The following PPARGC1A variants were observed in gnomAD, a reference collection of about 807,000 sequenced individuals.
The protein encoded by PPARGC1A is PPARG coactivator 1 alpha.
Under a neutral mutation model 88.7 loss-of-function variants are expected in PPARGC1A, and 25 were observed. The observed-to-expected ratio is 0.28, with a 90% CI of 0.21 to 0.39. The LOEUF is 0.39. PPARGC1A is among the 10% of genes least tolerant of loss of function. PPARGC1A has a pLI of 1.00. For synonymous variants in PPARGC1A, 363 were observed against 355.6 expected (o/e 1.02, Z -0.24); for missense variants, 880 against 968.7 (o/e 0.91, Z 1.22).
rs370930722 is a variant in PPARGC1A at position 23,831,730 on chromosome 4, C to T, written c.256G>A (p.Ala86Thr). 6.2e-7 allele frequency: 1 copy of T among 1,613,024 alleles called. No individual in the cohort carries two copies. Among genetic ancestry groups the T allele is most frequent in the African/African-American group, 1.3e-5 (1 of 74,872 alleles). Residue 86 changes from alanine to threonine, a missense_variant, in exon 3 of 13, where the codon GCA becomes ACA. By Grantham distance (58) the Ala-to-Thr change is moderately conservative. Coordinates refer to ENST00000264867, the MANE Select transcript of PPARGC1A (RefSeq NM_013261.5). The part of the protein sequence containing the change: ...IFEKIDEENE[A>T]NLLAVLTETL... ...TCTGTGAGGACTGCTAGCAAGTTTG[C>T]CTCATTCTCTTCATCTATCTTCTGC...
chr4:24,073,289 G>A, the PPARGC1A span, among the ~76,000 whole-genome samples: 22 of 152,008 alleles, frequency 1.4e-4, no homozygotes, highest in Admixed American at 1.3e-3. Flanking sequence ...TGATCTGCCC[G>A]CCTCAGCCTC....
the PPARGC1A span, among the ~76,000 whole-genome samples, chr4:24,063,314 G>A: frequency 7.2e-5 from 11 of 152,160 alleles, no homozygotes; most frequent in Non-Finnish European, 1.6e-4. Flanking sequence ...AAAGTCAGAG[G>A]GAGAAGATGA....
At chr4:23,952,064 G>T in the PPARGC1A span, among the ~76,000 whole-genome samples, 1 of 151,986 alleles carries the variant, frequency 6.6e-6, no homozygotes, top group African/African-American at 2.4e-5. Context: ...TTCCGATTGA[G>T]GCTATTGTAC....
chr4:23,933,937 C>T, the PPARGC1A span, among the ~76,000 whole-genome samples: 2 of 152,194 alleles, frequency 1.3e-5, no homozygotes, highest in African/African-American at 4.8e-5. Context: ...CTCCCAATAT[C>T]CTTTGCTAGG....
the PPARGC1A span, among the ~76,000 whole-genome samples, chr4:23,922,015 T>C: frequency 6.6e-6 from 1 of 152,190 alleles, no homozygotes; most frequent in Non-Finnish European, 1.5e-5. Flanking sequence ...ATGCACAATG[T>C]TCATAAAATA....
the PPARGC1A span, among the ~76,000 whole-genome samples, chr4:24,445,396 A>AC: frequency 6.6e-6 from 1 of 152,212 alleles, no homozygotes; most frequent in African/African-American, 2.4e-5. Context: ...CGATATCTTG[A>AC]CAATTCCTTT....
the PPARGC1A span, among the ~76,000 whole-genome samples, chr4:24,279,610 C>T: frequency 6.6e-6 from 1 of 152,142 alleles, no homozygotes; most frequent in East Asian, 1.9e-4. Flanking sequence ...GACTCTCCCG[C>T]GTTGATTCAC....
At chr4:24,089,660 G>A in the PPARGC1A span, among the ~76,000 whole-genome samples, 435 of 151,892 alleles carry the variant, frequency 2.9e-3, 4 homozygotes, top group African/African-American at 0.01. Flanking sequence ...ACAGGCGCCC[G>A]CCGCCACGCC....
chr4:24,001,244 T>C, the PPARGC1A span, among the ~76,000 whole-genome samples: 3 of 152,228 alleles, frequency 2.0e-5, no homozygotes, highest in African/African-American at 7.2e-5. Context: ...TGATTTTCTT[T>C]GTTATAATAT....
chr4:23,807,624 T>C (rs143385043), intron 10 of PPARGC1A, among the ~76,000 whole-genome samples: 177 of 152,338 alleles, frequency 1.2e-3, no homozygotes, highest in Non-Finnish European at 2.2e-3. Context: ...ATTAAACATA[T>C]ACATTTTGAT....
the PPARGC1A span, among the ~76,000 whole-genome samples, chr4:24,320,888 G>A: frequency 6.6e-6 from 1 of 152,150 alleles, no homozygotes; most frequent in African/African-American, 2.4e-5. Flanking sequence ...GCTGGAAAAT[G>A]GCTCCCAGAA....
chr4:24,217,713 G>A, the PPARGC1A span, among the ~76,000 whole-genome samples: 1 of 152,182 alleles, frequency 6.6e-6, no homozygotes, highest in African/African-American at 2.4e-5. Flanking sequence ...TGAGGCAGGA[G>A]AATCACTTGA....
the PPARGC1A span, among the ~76,000 whole-genome samples, chr4:24,224,596 G>A: frequency 3.3e-5 from 5 of 152,166 alleles, no homozygotes; most frequent in African/African-American, 1.2e-4. Context: ...GCAGGCAATT[G>A]TCTAGACAAG....
chr4:24,285,139 A>C, the PPARGC1A span, among the ~76,000 whole-genome samples: 1 of 152,230 alleles, frequency 6.6e-6, no homozygotes, highest in South Asian at 2.1e-4. Context: ...TTGCATTGAT[A>C]AAGTTAATCT....
At chr4:24,085,683 A>G in the PPARGC1A span, among the ~76,000 whole-genome samples, 5 of 152,202 alleles carry the variant, frequency 3.3e-5, no homozygotes, top group African/African-American at 4.8e-5. Flanking sequence ...AATACCCACT[A>G]TCAGTGAGAG....
chr4:24,347,231 T>G, the PPARGC1A span, among the ~76,000 whole-genome samples: 1 of 152,200 alleles, frequency 6.6e-6, no homozygotes, highest in Non-Finnish European at 1.5e-5. Flanking sequence ...GAATAGAATG[T>G]GTATTCTGTG....
chr4:24,145,167 T>C, the PPARGC1A span, among the ~76,000 whole-genome samples: 2 of 151,938 alleles, frequency 1.3e-5, no homozygotes, highest in Non-Finnish European at 2.9e-5. Context: ...TTTACATGTA[T>C]TTACATATTT....
the PPARGC1A span, among the ~76,000 whole-genome samples, chr4:23,945,128 G>GTCTC: frequency 3.7e-3 from 553 of 149,960 alleles, 2 homozygotes; most frequent in Middle Eastern, 6.9e-3. Context: ...CTCTGTCTCT[G>GTCTC]TCTCTCTCTC....
At chr4:24,344,276 T>G in the PPARGC1A span, among the ~76,000 whole-genome samples, 2 of 152,234 alleles carry the variant, frequency 1.3e-5, no homozygotes, top group Non-Finnish European at 2.9e-5. Flanking sequence ...GTAGTGGGAT[T>G]GCTGGATCAA....
Sources: allele counts gnomAD v4.1 joint callset (sites outside exome capture counted in the v4.1 genomes callset), GRCh38; gene constraint gnomAD v4.1.1; transcripts MANE v1.5; gene names NCBI Gene and HGNC (gene_info 2026-07-23, HGNC 2026-07-21).